Variants in INTU observed in about 807,000 individuals in gnomAD.
INTU encodes protein inturned.
In INTU, 68 loss-of-function variants were observed where a neutral mutation model predicts 100.5. The observed-to-expected ratio is 0.68, with a 90% CI of 0.56 to 0.83. The LOEUF is 0.83. Ranked by LOEUF, INTU falls within the 40% of genes least tolerant of loss-of-function variation. The probability of loss-of-function intolerance (pLI) is 0.00; values close to 1 mark genes in which losing one functional copy is unlikely to be tolerated. For missense variants in INTU, 1,071 were observed against 1,114.7 expected (o/e 0.96, Z 0.56); for synonymous variants, 357 against 395.7 (o/e 0.90, Z 1.16).
chr4:127,673,921 GT>G (rs372029639), intron 5 of INTU, among the ~76,000 whole-genome samples: 57 of 138,738 alleles, frequency 4.1e-4, no homozygotes, highest in East Asian at 1.1e-3. Flanking sequence ...CTGTTTTTTT[GT>G]TTTTTTTTTT....
At chr4:127,700,197 A>G in intron 9 of INTU, 134 bp downstream of exon 9, 1 of 673,768 alleles carries the variant, frequency 1.5e-6, no homozygotes, top group Non-Finnish European at 2.4e-6. Context: ...TGACAGTGAC[A>G]AAATCTATTT....
chr4:127,639,397 A>C (rs1727211991), intron 1 of INTU, among the ~76,000 whole-genome samples: 1 of 152,064 alleles, frequency 6.6e-6, no homozygotes, highest in South Asian at 2.1e-4. Flanking sequence ...CTAAGTCTAT[A>C]CTCAAGGGGA....
intron 2 of INTU, among the ~76,000 whole-genome samples, chr4:127,648,555 A>G (rs186052156): frequency 6.6e-6 from 1 of 152,320 alleles, no homozygotes; most frequent in African/African-American, 2.4e-5. Flanking sequence ...TGGAGAAAAA[A>G]GTCATTTGGC....
chr4:127,687,131 C>T (rs1324541559), intron 7 of INTU: 2 of 152,054 alleles, frequency 1.3e-5, no homozygotes, highest in East Asian at 1.9e-4. Context: ...AGAACTTATG[C>T]TTGTTATGTT....
intron 2 of INTU, among the ~76,000 whole-genome samples, chr4:127,649,857 C>T (rs1382590894): frequency 6.6e-6 from 1 of 151,972 alleles, no homozygotes; most frequent in Admixed American, 6.6e-5. Context: ...TCATCAATTT[C>T]CTAATAATAT....
Position 127,723,434 on chromosome 4 carries a change from T to G in INTU, c.*6998T>G, listed in dbSNP as rs1285817199. On this transcript the variant is annotated 3_prime_UTR_variant, in exon 16 of 16. Coordinates refer to ENST00000335251, the MANE Select transcript of INTU (RefSeq NM_015693.4). ...CTTGCATGTTGGTCACCTCCTAAAT[T>G]AGTAATGTCCAAGTACTTATTCCTT... The G allele has an allele frequency of 6.7e-6, 1 of 150,256 alleles. No individual in the cohort carries two copies. The highest frequency in any genetic ancestry group is 2.5e-5 in the African/African-American group (1 of 40,328). The allele number at this position is 150,256 out of a possible 1,614,324, so 9.3% of individuals were successfully genotyped here.
intron 11 of INTU, 133 bp downstream of exon 11, chr4:127,705,945 T>G: frequency 1.5e-6 from 1 of 655,922 alleles, no homozygotes; most frequent in South Asian, 1.9e-5. Flanking sequence ...AACATGCTCA[T>G]GTAAAATTAT....
intron 6 of INTU, 142 bp downstream of exon 6, chr4:127,674,355 TA>T: frequency 1.6e-6 from 1 of 629,890 alleles, no homozygotes; most frequent in East Asian, 2.8e-5. Flanking sequence ...GTAAAATAGT[TA>T]CCTGTGTTCG....
chr4:127,655,021 C>T (rs983815269), intron 2 of INTU, among the ~76,000 whole-genome samples: 1 of 151,940 alleles, frequency 6.6e-6, no homozygotes, highest in Non-Finnish European at 1.5e-5. Context: ...GCATCGGCTC[C>T]TGAGGCTTCT....
chr4:127,677,100 C>G (rs929673360), intron 6 of INTU, among the ~76,000 whole-genome samples: 4 of 152,214 alleles, frequency 2.6e-5, no homozygotes, highest in Admixed American at 6.5e-5. Flanking sequence ...AGCCGGGAAG[C>G]TCGAACTGGG....
At chr4:127,713,198 T>G (rs1274390678) in intron 14 of INTU, among the ~76,000 whole-genome samples, 1 of 152,184 alleles carries the variant, frequency 6.6e-6, no homozygotes, top group Non-Finnish European at 1.5e-5. Flanking sequence ...GGAAACAGAA[T>G]AGCAAGGGTG....
At chr4:127,644,253 G>A (rs528309400) in intron 2 of INTU, among the ~76,000 whole-genome samples, 197 bp downstream of exon 2, 1 of 152,306 alleles carries the variant, frequency 6.6e-6, no homozygotes, top group Admixed American at 6.5e-5. Context: ...CCAGTTCAGT[G>A]TGTTGAGTAT....
intron 6 of INTU, among the ~76,000 whole-genome samples, chr4:127,679,931 G>C (rs966374217): frequency 3.9e-5 from 6 of 152,082 alleles, no homozygotes; most frequent in African/African-American, 1.4e-4. Context: ...TATCACCACC[G>C]ATCCCACAGA....
In INTU at chr4:127,717,171, A is replaced by C. The variant is rs1264693069; in HGVS notation, c.*735A>C. The C allele has an allele frequency of 6.6e-6, 1 of 151,894 alleles. No homozygotes were observed. Among genetic ancestry groups the C allele is most frequent in the Non-Finnish European group, 1.5e-5 (1 of 67,962 alleles). 9.4% of individuals were successfully genotyped at this position (151,894 alleles called of 1,614,324 possible). A position where few individuals can be genotyped will look rare whatever the true frequency, so the allele number is the denominator to read the frequency against. On this transcript the variant is annotated 3_prime_UTR_variant, in exon 16 of 16. Coordinates refer to ENST00000335251, the MANE Select transcript of INTU (RefSeq NM_015693.4). ...ACCCCCACAACAGGCCCTGGTGTGC[A>C]TTGTTCCCCTCCCTTTGTCCATGTG...
At chr4:127,676,130 C>T (rs1479325961) in intron 6 of INTU, 1 of 166,728 alleles carries the variant, frequency 6.0e-6, no homozygotes, top group Non-Finnish European at 1.3e-5. Context: ...AATCTTTTTA[C>T]ATGGAGGGAT....
intron 2 of INTU, among the ~76,000 whole-genome samples, chr4:127,655,256 T>C (rs1728131564): frequency 6.6e-6 from 1 of 152,204 alleles, no homozygotes; most frequent in African/African-American, 2.4e-5. Flanking sequence ...CTTTGTTCCG[T>C]TGCTGGTGAG....
chr4:127,652,259 G>C (rs1366923696), intron 2 of INTU, among the ~76,000 whole-genome samples: 1 of 143,288 alleles, frequency 7.0e-6, no homozygotes, highest in Non-Finnish European at 1.5e-5. Flanking sequence ...ACACTATGTT[G>C]AATAGGAGTG....
intron 2 of INTU, among the ~76,000 whole-genome samples, chr4:127,648,156 C>T (rs1727673474): frequency 6.6e-6 from 1 of 152,100 alleles, no homozygotes; most frequent in Non-Finnish European, 1.5e-5. Flanking sequence ...TAATTCATTC[C>T]CTTTTAGCCT....
chr4:127,674,339 G>T lies in INTU; in HGVS notation c.1181+126G>T, dbSNP rs937456197. The stretch of plus-strand genomic sequence containing the variant: ...CAGTTTTACAGTTTAAAGATCTATT[G>T]CACTAGTAAAATAGTTACCTGTGTT... On this transcript the variant is annotated intron_variant, in intron 6 of 15. Coordinates refer to ENST00000335251, the MANE Select transcript of INTU (RefSeq NM_015693.4). 6.6e-5 allele frequency: 45 copies of T among 684,766 alleles called. No homozygotes were observed. In the South Asian group the frequency reaches 9.6e-4, roughly 15 times the overall value. 42.4% of individuals were successfully genotyped at this position (684,766 alleles called of 1,614,324 possible).
Sources: allele counts gnomAD v4.1 joint callset (sites outside exome capture counted in the v4.1 genomes callset), GRCh38; gene constraint gnomAD v4.1.1; transcripts MANE v1.5; gene names NCBI Gene and HGNC (gene_info 2026-07-23, HGNC 2026-07-21).